The following ALK variants were observed in gnomAD, a reference collection of about 807,000 sequenced individuals.
The protein encoded by ALK is ALK receptor tyrosine kinase.
Under a neutral mutation model 163.1 loss-of-function variants are expected in ALK, and 74 were observed. That is an observed-to-expected ratio of 0.45 (90% CI 0.38 to 0.55). The LOEUF (loss-of-function observed/expected upper bound fraction) is 0.55. Among genes scored for constraint, ALK ranks in the 20% least tolerant of loss-of-function variants. The pLI, the probability that ALK is intolerant of heterozygous loss-of-function variation, is 0.00. For missense variants in ALK, 2,063 were observed against 2,105.3 expected (o/e 0.98, Z 0.39); for synonymous variants, 960 against 843.2 (o/e 1.14, Z -2.40).
intron 3 of ALK, among the ~76,000 whole-genome samples, chr2:29,642,594 T>G: frequency 6.6e-6 from 1 of 152,244 alleles, no homozygotes; most frequent in Non-Finnish European, 1.5e-5. Context: ...CTCAGGGGCA[T>G]TAAATATCCT....
chr2:29,473,084 G>A (rs974033721), intron 4 of ALK, among the ~76,000 whole-genome samples: 35 of 152,200 alleles, frequency 2.3e-4, no homozygotes, highest in Non-Finnish European at 1.8e-4. Context: ...AACAAAGTTG[G>A]AGCACTTACA....
At chr2:29,412,761 C>G (rs868213704) in intron 4 of ALK, among the ~76,000 whole-genome samples, 6 of 152,314 alleles carry the variant, frequency 3.9e-5, no homozygotes, top group Middle Eastern at 3.4e-3. Flanking sequence ...TTCAACATCA[C>G]AGTCAGGTCC....
At chr2:29,364,754 C>G (rs1018217484) in intron 5 of ALK, among the ~76,000 whole-genome samples, 1 of 152,116 alleles carries the variant, frequency 6.6e-6, no homozygotes, top group African/African-American at 2.4e-5. Flanking sequence ...TTCATTTAGT[C>G]TTATTAATTA....
chr2:29,530,996 G>C (rs1673104943), intron 4 of ALK, among the ~76,000 whole-genome samples: 1 of 152,198 alleles, frequency 6.6e-6, no homozygotes, highest in Non-Finnish European at 1.5e-5. Flanking sequence ...TTACGAAGGA[G>C]GCCATTCAGC....
At chr2:29,755,482 C>T (rs1032484355) in intron 1 of ALK, among the ~76,000 whole-genome samples, 1 of 152,132 alleles carries the variant, frequency 6.6e-6, no homozygotes, top group Non-Finnish European at 1.5e-5. Context: ...TCTCAGGTAA[C>T]CGGAATTTCA....
intron 1 of ALK, among the ~76,000 whole-genome samples, chr2:29,791,163 A>G (rs960734634): frequency 6.6e-6 from 1 of 152,196 alleles, no homozygotes; most frequent in Non-Finnish European, 1.5e-5. Context: ...GTCAGACAAT[A>G]TTTCCACACA....
At chr2:29,238,884 G>A (rs1267535513) in intron 13 of ALK, among the ~76,000 whole-genome samples, 1 of 152,156 alleles carries the variant, frequency 6.6e-6, no homozygotes, top group Non-Finnish European at 1.5e-5. Context: ...ACGCGGTCCC[G>A]TGAAAAGACA....
At position 29,878,533 on chromosome 2, in the gene ALK, C is replaced by T; in HGVS notation, c.667+41460G>A. The stretch of plus-strand genomic sequence containing the variant: ...TGTTCTTTTAGCCATCATTCCTAGG[C>T]AAATATGCTGAAAGGTCCTGTTGAG... On this transcript the variant is annotated intron_variant, in intron 1 of 28. Coordinates refer to ENST00000389048, the MANE Select transcript of ALK (RefSeq NM_004304.5). 1.3e-5 allele frequency among the ~76,000 whole-genome samples: 2 copies of T among 152,158 alleles called. 1 individual carries two copies. The highest frequency in any genetic ancestry group is 2.9e-5 in the Non-Finnish European group (2 of 68,030).
intron 3 of ALK, among the ~76,000 whole-genome samples, chr2:29,591,679 TAAC>T (rs1035633483): frequency 6.6e-6 from 1 of 152,064 alleles, no homozygotes; most frequent in Admixed American, 6.5e-5. Context: ...ACAGCAGGGC[TAAC>T]AACGAGAGAG....
chr2:29,571,091 A>T (rs984128896), intron 3 of ALK, among the ~76,000 whole-genome samples: 1 of 152,270 alleles, frequency 6.6e-6, no homozygotes, highest in Non-Finnish European at 1.5e-5. Context: ...GAGATAGTGG[A>T]GGGGGCACCT....
chr2:29,766,601 T>G (rs1373062251), intron 1 of ALK, among the ~76,000 whole-genome samples: 2 of 152,160 alleles, frequency 1.3e-5, no homozygotes, highest in Non-Finnish European at 1.5e-5. Context: ...ATATCTGTGA[T>G]CTAAATCTAT....
At chr2:29,617,955 G>A (rs1048091599) in intron 3 of ALK, among the ~76,000 whole-genome samples, 2 of 152,170 alleles carry the variant, frequency 1.3e-5, no homozygotes, top group Non-Finnish European at 2.9e-5. Flanking sequence ...TAGCACCACC[G>A]TTGGGCTGGG....
chr2:29,321,386 G>A (rs1667040705), intron 6 of ALK, among the ~76,000 whole-genome samples: 1 of 152,190 alleles, frequency 6.6e-6, no homozygotes, highest in African/African-American at 2.4e-5. Context: ...TTGGCTGGGG[G>A]TTTGTCTGGG....
At chr2:29,647,767 GATTTT>G (rs1329234169) in intron 3 of ALK, among the ~76,000 whole-genome samples, 3 of 117,626 alleles carry the variant, frequency 2.6e-5, no homozygotes, top group African/African-American at 1.0e-4. Flanking sequence ...CCACGTTCAT[GATTTT>G]TTCTTTTTTT....
intron 1 of ALK, among the ~76,000 whole-genome samples, chr2:29,858,959 G>GCCCAC: frequency 1.3e-5 from 2 of 152,072 alleles, no homozygotes; most frequent in African/African-American, 2.4e-5. Flanking sequence ...CTTGAACCGA[G>GCCCAC]GAGGTGGAGG....
chr2:29,285,481 G>A (rs1430746090), intron 9 of ALK, among the ~76,000 whole-genome samples: 4 of 151,888 alleles, frequency 2.6e-5, no homozygotes, highest in Non-Finnish European at 5.9e-5. Flanking sequence ...TATGTCTTGA[G>A]CTTCTGGCCT....
At chr2:29,437,736 A>T (rs1167716459) in intron 4 of ALK, among the ~76,000 whole-genome samples, 1 of 152,150 alleles carries the variant, frequency 6.6e-6, no homozygotes, top group Non-Finnish European at 1.5e-5. Context: ...AAATTCCATA[A>T]TAGGTTCTTT....
At chr2:29,672,667 T>G (rs1296712276) in intron 3 of ALK, among the ~76,000 whole-genome samples, 10 of 152,280 alleles carry the variant, frequency 6.6e-5, no homozygotes, top group Admixed American at 2.0e-4. Context: ...AGCAGCATGA[T>G]TTATAGTCCT....
At chr2:29,494,362 A>G (rs1312141572) in intron 4 of ALK, among the ~76,000 whole-genome samples, 1 of 152,162 alleles carries the variant, frequency 6.6e-6, no homozygotes, top group East Asian at 1.9e-4. Flanking sequence ...GAGCTGCGGG[A>G]GAAATCTGGG....
Sources: allele counts gnomAD v4.1 joint callset (sites outside exome capture counted in the v4.1 genomes callset), GRCh38; gene constraint gnomAD v4.1.1; transcripts MANE v1.5; gene names NCBI Gene and HGNC (gene_info 2026-07-23, HGNC 2026-07-21).